PPARGC1A: variants seen among roughly 807,000 people sequenced by gnomAD.
PPARGC1A encodes the protein PPARG coactivator 1 alpha, also known as peroxisome proliferator-activated receptor gamma coactivator 1-alpha.
Under a neutral mutation model 88.7 loss-of-function variants are expected in PPARGC1A, and 25 were observed. The observed-to-expected ratio is 0.28, with a 90% CI of 0.21 to 0.39. The LOEUF is 0.39. Among genes scored for constraint, PPARGC1A ranks in the 10% least tolerant of loss-of-function variants. The pLI, the probability that PPARGC1A is intolerant of heterozygous loss-of-function variation, is 1.00. For missense variants in PPARGC1A, 880 were observed against 968.7 expected (o/e 0.91, Z 1.22); for synonymous variants, 363 against 355.6 (o/e 1.02, Z -0.24).
chr4:24,145,551 C>A, the PPARGC1A span, among the ~76,000 whole-genome samples: 4 of 152,266 alleles, frequency 2.6e-5, no homozygotes, highest in African/African-American at 7.2e-5. Context: ...GCTTTGTGAC[C>A]AGAATGGCAG....
the PPARGC1A span, among the ~76,000 whole-genome samples, chr4:24,412,973 C>T: frequency 1.3e-5 from 2 of 152,214 alleles, no homozygotes; most frequent in Admixed American, 6.5e-5. Context: ...CGATTAGAAG[C>T]ATCCTCTCAA....
the PPARGC1A span, among the ~76,000 whole-genome samples, chr4:23,993,643 C>A: frequency 6.6e-6 from 1 of 152,040 alleles, no homozygotes; most frequent in East Asian, 1.9e-4. Flanking sequence ...ACAACTTGCC[C>A]AAAGACACAC....
At chr4:24,364,809 A>G in the PPARGC1A span, among the ~76,000 whole-genome samples, 2 of 152,184 alleles carry the variant, frequency 1.3e-5, no homozygotes, top group Non-Finnish European at 2.9e-5. Context: ...GACACTGCAC[A>G]TGAAATGAAC....
At chr4:24,208,701 A>T in the PPARGC1A span, among the ~76,000 whole-genome samples, 8 of 147,234 alleles carry the variant, frequency 5.4e-5, no homozygotes, top group Admixed American at 4.1e-4. Context: ...ATATATATAT[A>T]TTCATATTTA....
the PPARGC1A span, among the ~76,000 whole-genome samples, chr4:24,070,924 T>C: frequency 6.6e-6 from 1 of 152,200 alleles, no homozygotes; most frequent in African/African-American, 2.4e-5. Flanking sequence ...GCTGAGTAGT[T>C]GCAACAGAGG....
At chr4:23,835,992 C>T (rs1725941639) in intron 2 of PPARGC1A, among the ~76,000 whole-genome samples, 1 of 152,196 alleles carries the variant, frequency 6.6e-6, no homozygotes, top group Non-Finnish European at 1.5e-5. Flanking sequence ...GGCCTACTCA[C>T]ACATGTCTGT....
intron 2 of PPARGC1A, among the ~76,000 whole-genome samples, chr4:23,859,378 A>G (rs1329549658): frequency 1.3e-5 from 2 of 152,208 alleles, no homozygotes; most frequent in Admixed American, 6.5e-5. Context: ...GTGTAAGGGG[A>G]AGGTACAGGT....
At chr4:23,950,514 T>G in the PPARGC1A span, among the ~76,000 whole-genome samples, 4 of 152,164 alleles carry the variant, frequency 2.6e-5, no homozygotes, top group African/African-American at 7.2e-5. Flanking sequence ...GAAAGGTATC[T>G]TGTAATGATT....
the PPARGC1A span, among the ~76,000 whole-genome samples, chr4:23,922,467 G>T: frequency 6.6e-6 from 1 of 152,190 alleles, no homozygotes; most frequent in African/African-American, 2.4e-5. Flanking sequence ...TAGCTAAGAT[G>T]AACTCCATCA....
the PPARGC1A span, among the ~76,000 whole-genome samples, chr4:24,373,151 G>C: frequency 6.6e-6 from 1 of 152,182 alleles, no homozygotes; most frequent in African/African-American, 2.4e-5. Flanking sequence ...GGCCAGTCCC[G>C]GACTCCTGCG....
At chr4:23,987,131 A>G in the PPARGC1A span, among the ~76,000 whole-genome samples, 1 of 152,044 alleles carries the variant, frequency 6.6e-6, no homozygotes. Flanking sequence ...ATAGTAGTCC[A>G]TGTGGCAGAA....
At chr4:24,191,031 G>A in the PPARGC1A span, among the ~76,000 whole-genome samples, 1 of 152,184 alleles carries the variant, frequency 6.6e-6, no homozygotes, top group Non-Finnish European at 1.5e-5. Flanking sequence ...CACAGCTGCT[G>A]GATGAAGAAA....
the PPARGC1A span, among the ~76,000 whole-genome samples, chr4:24,327,098 A>T: frequency 4.6e-5 from 7 of 152,140 alleles, no homozygotes; most frequent in Admixed American, 2.0e-4. Flanking sequence ...CCACCAACTT[A>T]AAAAGGACTG....
intron 10 of PPARGC1A, among the ~76,000 whole-genome samples, chr4:23,804,844 C>T (rs1014134623): frequency 5.9e-5 from 9 of 152,194 alleles, no homozygotes; most frequent in Admixed American, 5.2e-4. Context: ...CTGTCTACAA[C>T]AACCTTAAGC....
chr4:23,804,779 C>T (rs1342173294), intron 10 of PPARGC1A, among the ~76,000 whole-genome samples: 4 of 152,116 alleles, frequency 2.6e-5, no homozygotes, highest in African/African-American at 9.7e-5. Context: ...TCTTTCCCTG[C>T]TACTGGGACA....
At chr4:24,021,142 T>TCCTCTGGC in the PPARGC1A span, among the ~76,000 whole-genome samples, 34 of 152,316 alleles carry the variant, frequency 2.2e-4, no homozygotes, top group East Asian at 6.4e-3. Context: ...AGTGTTCCCC[T>TCCTCTGGC]CCTCTGGCCC....
the PPARGC1A span, among the ~76,000 whole-genome samples, chr4:24,439,893 G>T: frequency 6.6e-6 from 1 of 152,108 alleles, no homozygotes; most frequent in Non-Finnish European, 1.5e-5. Flanking sequence ...AATCCCTTAA[G>T]GTCCAAGAAG....
At chr4:24,092,010 G>A in the PPARGC1A span, among the ~76,000 whole-genome samples, 2 of 151,788 alleles carry the variant, frequency 1.3e-5, no homozygotes, top group South Asian at 2.1e-4. Flanking sequence ...TCAGTGGGCT[G>A]GTGTATCCTA....
chr4:24,135,037 C>T, the PPARGC1A span, among the ~76,000 whole-genome samples: 1 of 152,298 alleles, frequency 6.6e-6, no homozygotes, highest in South Asian at 2.1e-4. Context: ...TCCTGTGGCC[C>T]CTTCGCTACC....
Sources: allele counts gnomAD v4.1 joint callset (sites outside exome capture counted in the v4.1 genomes callset), GRCh38; gene constraint gnomAD v4.1.1; transcripts MANE v1.5; gene names NCBI Gene and HGNC (gene_info 2026-07-23, HGNC 2026-07-21).